The following CNTLN variants were observed in gnomAD, a reference collection of about 807,000 sequenced individuals.
The protein encoded by CNTLN is centlein.
Under a neutral mutation model 180.0 loss-of-function variants are expected in CNTLN, and 212 were observed. The ratio of observed to expected loss-of-function variants is 1.18; its 90% confidence interval spans 1.05 to 1.32. CNTLN has a LOEUF of 1.32. Among genes scored for constraint, CNTLN ranks in the 40% most tolerant of loss-of-function variants. The pLI, the probability that CNTLN is intolerant of heterozygous loss-of-function variation, is 0.00. For missense variants in CNTLN, 2,095 were observed against 1,610.9 expected (o/e 1.30, Z -5.14); for synonymous variants, 722 against 563.1 (o/e 1.28, Z -3.99).
intron 5 of CNTLN, among the ~76,000 whole-genome samples, chr9:17,263,419 C>G (rs1487803928): frequency 6.6e-6 from 1 of 151,074 alleles, no homozygotes; most frequent in African/African-American, 2.5e-5. Flanking sequence ...ATATGTGCCA[C>G]ATTTTCTTAA....
At chr9:17,399,814 G>A (rs1426806320) in intron 15 of CNTLN, among the ~76,000 whole-genome samples, 2 of 152,110 alleles carry the variant, frequency 1.3e-5, no homozygotes, top group Admixed American at 6.6e-5. Flanking sequence ...GGAAAGGAAC[G>A]TCCTTATCTC....
chr9:17,450,136 T>A (rs1377307957), intron 18 of CNTLN, among the ~76,000 whole-genome samples: 2 of 152,174 alleles, frequency 1.3e-5, no homozygotes, highest in African/African-American at 4.8e-5. Flanking sequence ...AGAACCTAAT[T>A]TGAACACATC....
intron 18 of CNTLN, among the ~76,000 whole-genome samples, chr9:17,417,993 A>G (rs1045233322): frequency 3.3e-5 from 5 of 152,062 alleles, no homozygotes; most frequent in Non-Finnish European, 7.4e-5. Context: ...TTACTTTCAT[A>G]TGAATTTCTC....
intron 14 of CNTLN, 121 bp from the exon 15 acceptor site, chr9:17,394,413 T>TAC (rs1170531367): frequency 7.5e-6 from 6 of 801,444 alleles, no homozygotes; most frequent in Non-Finnish European, 1.1e-5. Context: ...AGAAATTAAG[T>TAC]ACTTTATATT....
intron 18 of CNTLN, among the ~76,000 whole-genome samples, chr9:17,435,930 C>T (rs1829747970): frequency 6.6e-6 from 1 of 152,094 alleles, no homozygotes; most frequent in African/African-American, 2.4e-5. Context: ...CCCTAGCCCT[C>T]GTCCACCCAG....
the CNTLN span, among the ~76,000 whole-genome samples, chr9:17,509,718 CAG>C: frequency 2.0e-5 from 3 of 152,246 alleles, no homozygotes; most frequent in South Asian, 4.2e-4. Context: ...ATCCACAAAT[CAG>C]GGGGTGGAAT....
chr9:17,138,680 C>T (rs1002987709), intron 1 of CNTLN, among the ~76,000 whole-genome samples: 10 of 152,166 alleles, frequency 6.6e-5, no homozygotes, highest in African/African-American at 2.2e-4. Flanking sequence ...TGTAAGTAAA[C>T]TCTTGACATC....
the CNTLN span, among the ~76,000 whole-genome samples, chr9:17,525,859 C>T: frequency 6.6e-6 from 1 of 152,188 alleles, no homozygotes; most frequent in Non-Finnish European, 1.5e-5. Flanking sequence ...TGATTTGACT[C>T]ATTTCTTAAA....
At chr9:17,485,962 C>T (rs2134324467) in intron 24 of CNTLN, among the ~76,000 whole-genome samples, 1 of 152,226 alleles carries the variant, frequency 6.6e-6, no homozygotes, top group African/African-American at 2.4e-5. Flanking sequence ...GACACCTCTG[C>T]CTCTGGGCAG....
chr9:17,164,043 G>C (rs774538729), intron 2 of CNTLN, among the ~76,000 whole-genome samples: 1 of 150,578 alleles, frequency 6.6e-6, no homozygotes, highest in South Asian at 2.1e-4. Context: ...CAGAAGCAGT[G>C]GCTCACCCCT....
At chr9:17,502,409 A>T in intron 25 of CNTLN, 142 bp from the exon 26 acceptor site, 1 of 440,720 alleles carries the variant, frequency 2.3e-6, no homozygotes, top group East Asian at 3.9e-5. Flanking sequence ...CAGCAAGATC[A>T]GTAGAAAAGA....
In CNTLN at chr9:17,394,907, G is replaced by A. The variant is rs778818148; in HGVS notation, c.2453G>A (p.Arg818Gln). 1.8e-5 allele frequency: 29 copies of A among 1,613,942 alleles called. No homozygotes were observed. The highest frequency in any genetic ancestry group is 3.3e-5 in the Admixed American group (2 of 59,980). Residue 818 changes from arginine to glutamine, a missense_variant, in exon 15 of 26, where the codon CGA (arginine) becomes CAA (glutamine). Transcript: ENST00000380647. ...GCCACCATGAAAGTGAGATCTGGAC[G>A]ATATGATTGTAAGACAACTATGACC... ...EMATMKVRSG[R>Q]YDCKTTMTKV...
chr9:17,509,394 C>G, the CNTLN span, among the ~76,000 whole-genome samples: 1 of 152,186 alleles, frequency 6.6e-6, no homozygotes, highest in East Asian at 1.9e-4. Context: ...ATGCTTCTGC[C>G]AAAACTACCA....
chr9:17,376,247 G>C (rs564911158), intron 13 of CNTLN, among the ~76,000 whole-genome samples: 1 of 151,880 alleles, frequency 6.6e-6, no homozygotes, highest in Non-Finnish European at 1.5e-5. Flanking sequence ...TAATAACTAG[G>C]GTTTGCTAAG....
chr9:17,295,981 AGAGAGAGAGAGAGAGAGTGT>A (rs1817879954), intron 6 of CNTLN, among the ~76,000 whole-genome samples: 1 of 96,606 alleles, frequency 1.0e-5, no homozygotes, highest in African/African-American at 5.3e-5. Flanking sequence ...AGAGAGAGAG[AGAGAGAGAGAGAGAGAGTGT>A]GTGTGTGTGT....
intron 18 of CNTLN, among the ~76,000 whole-genome samples, chr9:17,443,080 G>C (rs776909834): frequency 2.6e-5 from 4 of 151,688 alleles, no homozygotes; most frequent in Non-Finnish European, 4.4e-5. Context: ...AAAGAAGTTA[G>C]ATGCATTCTT....
chr9:17,302,083 TA>T, intron 7 of CNTLN: 8 of 971,166 alleles, frequency 8.2e-6, no homozygotes, highest in Non-Finnish European at 9.7e-6. Flanking sequence ...TGACTACACA[TA>T]TGTGTACACA....
At chr9:17,501,767 T>C (rs887903608) in intron 25 of CNTLN, among the ~76,000 whole-genome samples, 4 of 152,202 alleles carry the variant, frequency 2.6e-5, no homozygotes, top group African/African-American at 9.6e-5. Flanking sequence ...AGACCTCTTA[T>C]GTGAGGCTAT....
At chr9:17,196,319 C>A (rs377332299) in intron 2 of CNTLN, among the ~76,000 whole-genome samples, 2 of 152,160 alleles carry the variant, frequency 1.3e-5, no homozygotes, top group Admixed American at 1.3e-4. Context: ...CCACCAGGCC[C>A]GGCCTAGATC....
Sources: gnomAD v4.1 joint callset for allele counts (sites outside exome capture counted in the v4.1 genomes callset) on GRCh38, gnomAD v4.1.1 for gene constraint, MANE v1.5 for transcripts, NCBI Gene and HGNC (gene_info 2026-07-23, HGNC 2026-07-21) for gene names.